The following SNTG2 variants were observed in gnomAD, a reference collection of about 807,000 sequenced individuals.
SNTG2 encodes gamma-2-syntrophin.
A neutral mutation model predicts 70.9 loss-of-function variants in SNTG2; 74 were observed. The observed-to-expected ratio is 1.04, with a 90% confidence interval of 0.86 to 1.27. The LOEUF (loss-of-function observed/expected upper bound fraction) is 1.27. Ranked by LOEUF, SNTG2 falls within the 50% of genes most tolerant of loss-of-function variation. SNTG2 has a pLI of 0.00. For synonymous variants in SNTG2, 278 were observed against 273.8 expected (o/e 1.02, Z -0.15); for missense variants, 717 against 690.7 (o/e 1.04, Z -0.43).
chr2:1,018,881 GTT>G (rs1221352807), intron 1 of SNTG2, among the ~76,000 whole-genome samples: 2 of 152,360 alleles, frequency 1.3e-5, no homozygotes, highest in East Asian at 3.9e-4. Context: ...CCCAGCAGGT[GTT>G]TTCTGAGTGC....
intron 14 of SNTG2, among the ~76,000 whole-genome samples, chr2:1,285,234 T>G (rs1572921322): frequency 6.6e-6 from 1 of 152,100 alleles, no homozygotes. Flanking sequence ...AGATTAAGGG[T>G]GGGTCTGCCT....
intron 1 of SNTG2, among the ~76,000 whole-genome samples, chr2:970,486 T>C: frequency 6.8e-6 from 1 of 147,250 alleles, no homozygotes; most frequent in South Asian, 2.2e-4. Flanking sequence ...TTCTCATTGT[T>C]CAATTCCCAC....
chr2:1,359,890 T>C (rs1273329344), intron 16 of SNTG2, among the ~76,000 whole-genome samples: 3 of 152,222 alleles, frequency 2.0e-5, no homozygotes, highest in African/African-American at 7.2e-5. Flanking sequence ...TGTAGTAATA[T>C]TGAGAAACAT....
At chr2:1,147,899 C>A (rs28580010) in intron 6 of SNTG2, among the ~76,000 whole-genome samples, 133,840 of 152,286 alleles carry the variant, frequency 0.88, 59,120 homozygotes, top group Non-Finnish European at 0.94. Flanking sequence ...TAAGTATATG[C>A]AATTTTCAGA....
At chr2:1,113,151 G>A (rs4971458) in intron 4 of SNTG2, among the ~76,000 whole-genome samples, 25 of 1,410 alleles carry the variant, frequency 0.018, 3 homozygotes, top group South Asian at 0.11. Flanking sequence ...CTTTGAGGAG[G>A]ATCGTGGGTA....
rs945699639 is a variant in SNTG2, at chr2:1,120,764, TAATG to T, written c.326-16855_326-16852del. On this transcript the variant is annotated intron_variant, in intron 4 of 16. Coordinates refer to ENST00000308624, the MANE Select transcript of SNTG2 (RefSeq NM_018968.4). ...GTACTTAAATACATAAAGCAAATAT[TAATG>T]AACATAAAGAGATAAATACATAGCA... 3.0e-4 allele frequency among the ~76,000 whole-genome samples: 45 copies of T among 152,182 alleles called. 2 individuals carry two copies. Among genetic ancestry groups the T allele is most frequent in the African/African-American group, 1.0e-3 (43 of 41,538 alleles).
intron 2 of SNTG2, among the ~76,000 whole-genome samples, chr2:1,091,866 C>T (rs916855138): frequency 6.6e-6 from 1 of 152,188 alleles, no homozygotes; most frequent in Non-Finnish European, 1.5e-5. Flanking sequence ...AGTTTGAAAT[C>T]ATTGCATCCA....
At chr2:1,212,718 C>T (rs763862517) in intron 9 of SNTG2, among the ~76,000 whole-genome samples, 3 of 152,160 alleles carry the variant, frequency 2.0e-5, no homozygotes, top group Non-Finnish European at 2.9e-5. Flanking sequence ...GGCTGAGATG[C>T]TGTTCTTAGC....
At chr2:997,197 A>G (rs1661713912) in intron 1 of SNTG2, among the ~76,000 whole-genome samples, 1 of 152,216 alleles carries the variant, frequency 6.6e-6, no homozygotes, top group Non-Finnish European at 1.5e-5. Flanking sequence ...GCAGAAGGAT[A>G]TGAGAACATG....
chr2:1,305,724 A>G (rs1000915357), intron 14 of SNTG2, among the ~76,000 whole-genome samples: 4 of 152,220 alleles, frequency 2.6e-5, no homozygotes, highest in African/African-American at 9.7e-5. Flanking sequence ...ATTAATTCTG[A>G]AAATGAGATT....
intron 4 of SNTG2, among the ~76,000 whole-genome samples, chr2:1,112,995 C>A (rs545004529): frequency 6.6e-6 from 1 of 151,430 alleles, no homozygotes; most frequent in African/African-American, 2.4e-5. Flanking sequence ...TTAAACCTTG[C>A]AGTCCTTTGT....
In SNTG2 at chr2:1,325,991, G is replaced by A. The variant is rs536303601; in HGVS notation, c.1488+9616G>A. Among the ~76,000 whole-genome samples, 20 of 151,936 alleles carry A rather than the reference G, an allele frequency of 1.3e-4. No homozygotes were observed. In the East Asian group the frequency reaches 3.7e-3, roughly 28 times the overall value. ...TGGGATTACAGGCACCTGTGACCAC[G>A]CCCAGCTAATTTTATATTTTTAGTA... On this transcript the variant is annotated intron_variant, in intron 16 of 16. Transcript: ENST00000308624.
chr2:954,145 C>T (rs940416890), intron 1 of SNTG2, among the ~76,000 whole-genome samples: 32 of 152,314 alleles, frequency 2.1e-4, no homozygotes, highest in African/African-American at 6.7e-4. Context: ...GGCTCTGCTG[C>T]GCACCCCTAG....
At chr2:1,124,073 C>T (rs1667547032) in intron 4 of SNTG2, among the ~76,000 whole-genome samples, 1 of 151,972 alleles carries the variant, frequency 6.6e-6, no homozygotes, top group African/African-American at 2.4e-5. Context: ...GCAAAGATAG[C>T]TTTTTAATAG....
chr2:1,168,085 C>T (rs1670863552), intron 7 of SNTG2, among the ~76,000 whole-genome samples: 1 of 127,162 alleles, frequency 7.9e-6, no homozygotes, highest in Non-Finnish European at 1.6e-5. Flanking sequence ...CTGAAACCTA[C>T]AGGCCGCCCA....
intron 16 of SNTG2, among the ~76,000 whole-genome samples, chr2:1,319,786 C>T (rs570575052): frequency 3.3e-5 from 5 of 152,286 alleles, no homozygotes; most frequent in Middle Eastern, 3.4e-3. Context: ...AAGTCACCTT[C>T]ACACACTGAG....
chr2:1,023,614 C>T (rs1660318209), intron 1 of SNTG2, among the ~76,000 whole-genome samples: 1 of 152,090 alleles, frequency 6.6e-6, no homozygotes, highest in African/African-American at 2.4e-5. Context: ...AGTGTCAATT[C>T]TTGCCTTTGT....
At chr2:1,176,987 C>T (rs890662475) in intron 8 of SNTG2, among the ~76,000 whole-genome samples, 2 of 152,116 alleles carry the variant, frequency 1.3e-5, no homozygotes, top group Non-Finnish European at 2.9e-5. Flanking sequence ...TGGGTATATA[C>T]CCAAAGGAAT....
In SNTG2 at chr2:1,222,011, GTC is replaced by G. The variant is rs1332164356; in HGVS notation, c.719+12789_719+12790del. Among the ~76,000 whole-genome samples the G allele has an allele frequency of 3.5e-4, 21 of 59,304 alleles. 5 individuals carry two copies. The highest frequency in any genetic ancestry group is 2.2e-3 in the East Asian group (4 of 1,782). The allele number at this position is 59,304 out of a possible 152,430, so 38.9% of individuals were successfully genotyped here. On this transcript the variant is annotated intron_variant, in intron 9 of 16. Coordinates refer to ENST00000308624, the MANE Select transcript of SNTG2 (RefSeq NM_018968.4). ...TCTGTCTCTGTCTCTGTCTCTCTCT[GTC>G]TCTCTCTGTCTCTGCCTATCTCTGT... is the stretch of plus-strand genomic sequence containing the variant.
Sources: allele counts gnomAD v4.1 joint callset (sites outside exome capture counted in the v4.1 genomes callset), GRCh38; gene constraint gnomAD v4.1.1; transcripts MANE v1.5; gene names NCBI Gene and HGNC (gene_info 2026-07-23, HGNC 2026-07-21).